The following C14orf39 variants were observed in gnomAD, a reference collection of about 807,000 sequenced individuals.
C14orf39 encodes the protein protein SIX6OS1.
Under a neutral mutation model 85.6 loss-of-function variants are expected in C14orf39, and 66 were observed. The ratio of observed to expected loss-of-function variants is 0.77; its 90% CI spans 0.63 to 0.95. The LOEUF is 0.95. Ranked by LOEUF, C14orf39 falls within the 40% of genes least tolerant of loss-of-function variation. C14orf39 has a pLI of 0.00. For missense variants in C14orf39, 735 were observed against 663.9 expected, an observed-to-expected ratio of 1.11 and a Z score of -1.18; for synonymous variants, 242 against 214.0, an observed-to-expected ratio of 1.13 and a Z score of -1.14.
chr14:60,443,231 G>A (rs1038349718), intron 16 of C14orf39, among the ~76,000 whole-genome samples: 5 of 152,162 alleles, frequency 3.3e-5, no homozygotes, highest in Admixed American at 6.5e-5. Context: ...CCCCTCACCC[G>A]TGAAGTGCAT....
intron 15 of C14orf39, 80 bp from the exon 16 acceptor site, chr14:60,455,225 T>C (rs576282652): frequency 9.0e-6 from 9 of 1,002,872 alleles, no homozygotes; most frequent in South Asian, 7.1e-5. Context: ...AGCAACAGCA[T>C]AGAGGTGAGA....
chr14:60,454,892 T>A, intron 16 of C14orf39, 109 bp downstream of exon 16: 1 of 839,770 alleles, frequency 1.2e-6, no homozygotes, highest in Non-Finnish European at 1.7e-6. Flanking sequence ...TTTTTTTAAA[T>A]GCTTCTGTTG....
At chr14:60,469,755 T>C (rs1264418513) in intron 7 of C14orf39, 102 bp from the exon 8 acceptor site, 1 of 541,794 alleles carries the variant, frequency 1.8e-6, no homozygotes, top group Non-Finnish European at 2.8e-6. Context: ...TTTATATGTA[T>C]GTTTCATATA....
chr14:60,507,394 A>C (rs960842230), intron 1 of C14orf39, among the ~76,000 whole-genome samples: 2 of 152,144 alleles, frequency 1.3e-5, no homozygotes, highest in Admixed American at 6.5e-5. Context: ...CTTCCGGCTG[A>C]TTCGGAAGTC....
chr14:60,513,040 T>G (rs763492682), intron 1 of C14orf39, among the ~76,000 whole-genome samples: 3 of 152,214 alleles, frequency 2.0e-5, no homozygotes, highest in Admixed American at 6.5e-5. Context: ...AACGGCAAGA[T>G]AGACAATGGA....
At chr14:60,482,056 T>G (rs975658629) in intron 4 of C14orf39, among the ~76,000 whole-genome samples, 2 of 152,222 alleles carry the variant, frequency 1.3e-5, no homozygotes, top group African/African-American at 4.8e-5. Flanking sequence ...GATTCTTATT[T>G]CACATTTAAA....
intron 4 of C14orf39, among the ~76,000 whole-genome samples, chr14:60,481,413 T>C (rs373619474): frequency 9.9e-5 from 15 of 152,180 alleles, no homozygotes; most frequent in Admixed American, 5.2e-4. Flanking sequence ...TCCCAGCACT[T>C]TGGGAGGCCG....
chr14:60,448,133 C>A (rs1261101746), intron 16 of C14orf39, among the ~76,000 whole-genome samples: 1 of 151,994 alleles, frequency 6.6e-6, no homozygotes, highest in Non-Finnish European at 1.5e-5. Flanking sequence ...ACAGGCATGG[C>A]CGAGGACTTC....
chr14:60,481,891 CTT>C (rs1892655354), intron 4 of C14orf39, among the ~76,000 whole-genome samples: 1 of 151,930 alleles, frequency 6.6e-6, no homozygotes, highest in Non-Finnish European at 1.5e-5. Context: ...ATCCTTTTGT[CTT>C]TTATATCATT....
intron 5 of C14orf39, among the ~76,000 whole-genome samples, chr14:60,477,787 G>A (rs180967908): frequency 1.9e-4 from 29 of 152,200 alleles, no homozygotes; most frequent in African/African-American, 6.7e-4. Context: ...TATATCTAAG[G>A]CCATATCTAA....
At chr14:60,470,436 T>A (rs567828178) in intron 7 of C14orf39, among the ~76,000 whole-genome samples, 2 of 152,014 alleles carry the variant, frequency 1.3e-5, no homozygotes, top group East Asian at 3.9e-4. Context: ...GAATCATGAT[T>A]TATAAGTCTA....
intron 11 of C14orf39, among the ~76,000 whole-genome samples, chr14:60,463,997 CAAAA>C (rs944057314): frequency 6.6e-6 from 1 of 152,038 alleles, no homozygotes; most frequent in African/African-American, 2.4e-5. Flanking sequence ...AAGAAACAAA[CAAAA>C]AACCCTGTTT....
intron 16 of C14orf39, among the ~76,000 whole-genome samples, chr14:60,451,994 A>G (rs374127935): frequency 7.4e-4 from 113 of 151,762 alleles, no homozygotes; most frequent in African/African-American, 2.7e-3. Flanking sequence ...CATCCTGGCC[A>G]ACATGGTGAA....
chr14:60,502,149 T>G (rs1169685543), intron 1 of C14orf39, among the ~76,000 whole-genome samples: 1 of 152,196 alleles, frequency 6.6e-6, no homozygotes, highest in African/African-American at 2.4e-5. Context: ...TATTTCCCTT[T>G]TCTATGAAAA....
At chr14:60,458,775 G>C in intron 13 of C14orf39, 36 bp from the exon 14 acceptor site, 4 of 1,498,744 alleles carry the variant, frequency 2.7e-6, no homozygotes, top group Non-Finnish European at 3.6e-6. Flanking sequence ...TTTTCTTTTT[G>C]TAATTTTATT....
intron 1 of C14orf39, among the ~76,000 whole-genome samples, chr14:60,504,442 T>C (rs990328020): frequency 6.6e-6 from 1 of 152,352 alleles, no homozygotes; most frequent in African/African-American, 2.4e-5. Context: ...ATCATTGAAT[T>C]TTAAGTTTCT....
Position 60,460,580 on chromosome 14 carries a change from CATT to C in C14orf39, c.1117+771_1117+773del, listed in dbSNP as rs1891474730. ...ATACTTTAATAGAGCAATTGTTATG[CATT>C]ATTAGTTTACCAAAAATATATATCC... On this transcript the variant is annotated intron_variant, in intron 13 of 17. Transcript: ENST00000321731. 3.3e-5 allele frequency among the ~76,000 whole-genome samples: 5 copies of C among 151,752 alleles called. No individual in the cohort carries two copies. In the East Asian group the frequency reaches 9.7e-4, roughly 29 times the overall value.
rs372992616 is a variant in C14orf39, at chr14:60,472,171, A to G, written c.324-432T>C. 7.9e-5 allele frequency among the ~76,000 whole-genome samples: 12 copies of G among 152,104 alleles called. No homozygotes were observed. In the East Asian group the frequency reaches 1.7e-3, roughly 22 times the overall value. ...CCCAAGCTCAGCTACTTCTAAAACC[A>G]TATCTTTTTAATCTTCAATTTTCAT... On this transcript the variant is annotated intron_variant, in intron 5 of 17. Coordinates refer to ENST00000321731, the MANE Select transcript of C14orf39 (RefSeq NM_174978.3).
chr14:60,514,884 T>TG lies in C14orf39; in HGVS notation c.-144+510dup, dbSNP rs549708437. On this transcript the variant is annotated intron_variant, in intron 1 of 5. Coordinates refer to the C14orf39 transcript ENST00000556799. ...GGCGGAGCCCGGGGGCGGCCGTGAATGGGGGGTCTGTGGAGCGGCCGGCGG... is the reference window on the plus strand; with the variant it reads ...GGCGGAGCCCGGGGGCGGCCGTGAATGGGGGGGTCTGTGGAGCGGCCGGCGG... 2.6e-4 allele frequency among the ~76,000 whole-genome samples: 40 copies of TG among 152,068 alleles called. No homozygotes were observed. The South Asian group carries it at 2.7e-3, about 10-fold the overall frequency.
Sources: gnomAD v4.1 joint callset for allele counts (sites outside exome capture counted in the v4.1 genomes callset) on GRCh38, gnomAD v4.1.1 for gene constraint, MANE v1.5 for transcripts, NCBI Gene and HGNC (gene_info 2026-07-23, HGNC 2026-07-21) for gene names.